The following ETS1 variants were observed in gnomAD, a reference collection of about 807,000 sequenced individuals.
ETS1 encodes ETS proto-oncogene 1, transcription factor.
In ETS1, 15 loss-of-function variants were observed where a neutral mutation model predicts 58.6. The observed-to-expected ratio is 0.26, with a 90% CI of 0.17 to 0.39. The LOEUF is 0.39. Ranked by LOEUF, ETS1 falls within the 10% of genes least tolerant of loss-of-function variation. The pLI, the probability that ETS1 is intolerant of heterozygous loss-of-function variation, is 1.00. For synonymous variants in ETS1, 214 were observed against 218.2 expected (o/e 0.98, Z 0.17); for missense variants, 417 against 610.5 (o/e 0.68, Z 3.34).
In ETS1 at chr11:128,569,318, C is replaced by CTTT. The variant is rs398018017; in HGVS notation, c.69+3741_69+3743dup. 4.1e-3 allele frequency among the ~76,000 whole-genome samples: 160 copies of CTTT among 39,422 alleles called. 23 individuals carry two copies. Among genetic ancestry groups the CTTT allele is most frequent in the African/African-American group, 0.011 (99 of 9,128 alleles). The allele number at this position is 39,422 out of a possible 152,430, so 25.9% of individuals were successfully genotyped here. A position where few individuals can be genotyped will look rare whatever the true frequency, so the allele number is the denominator to read the frequency against. ...TACCATACATGGGACAGAGTTTCTTCTTTTTTTTTTTTTTTTTTTTTTTTG... is the reference window on the plus strand; with the variant it reads ...TACCATACATGGGACAGAGTTTCTTCTTTTTTTTTTTTTTTTTTTTTTTTTTTG... On this transcript the variant is annotated intron_variant, in intron 2 of 9. Transcript: ENST00000392668.
chr11:128,509,811 T>C, intron 3 of ETS1, among the ~76,000 whole-genome samples: 1 of 152,204 alleles, frequency 6.6e-6, no homozygotes, highest in East Asian at 1.9e-4. Context: ...TTGAAAACTC[T>C]ATGGCTTTGG....
At chr11:128,551,420 G>A (rs1218679112) in intron 3 of ETS1, among the ~76,000 whole-genome samples, 2 of 152,192 alleles carry the variant, frequency 1.3e-5, no homozygotes, top group Admixed American at 6.5e-5. Flanking sequence ...GAATCTCAGC[G>A]TATCTCCCAC....
At position 128,463,520 on chromosome 11, in the gene ETS1, C is replaced by A; in HGVS notation, c.1231G>T (p.Asp411Tyr). 6.3e-7 allele frequency: 1 copy of A among 1,590,732 alleles called. No homozygotes were observed. The highest frequency in any genetic ancestry group is 1.1e-5 in the South Asian group (1 of 90,550). ...CCCTCCTTCCTTACCTCATCTGGGT[C>A]AGAAAGTTTGAATTCCCAGCCATCT... ...TGDGWEFKLS[D>Y]PDEVARRWGK... The change falls in exon 9 of 10, where the codon GAC becomes TAC. Residue 411 changes from aspartate to tyrosine, a missense_variant. Asp to Tyr is a radical substitution (Grantham distance 160, BLOSUM62 -3). This residue lies in a region of ETS1 where 56 missense variants were observed against 156.1 expected (regional missense o/e 0.36). Coordinates refer to ENST00000392668, the MANE Select transcript of ETS1 (RefSeq NM_001143820.2). This position sits in a 1 kb window ranked among gnomAD's most constrained non-coding sequence, Gnocchi z 4.1.
intron 3 of ETS1, among the ~76,000 whole-genome samples, chr11:128,510,483 G>A (rs538286522): frequency 1.3e-5 from 2 of 152,154 alleles, no homozygotes; most frequent in East Asian, 1.9e-4. Context: ...TATTCAAACC[G>A]GGCAAAGCTA....
intron 3 of ETS1, among the ~76,000 whole-genome samples, chr11:128,513,680 A>C (rs1479932717): frequency 6.6e-6 from 1 of 152,248 alleles, no homozygotes; most frequent in Non-Finnish European, 1.5e-5. Context: ...ATGTGTAGGT[A>C]CTAGAAGTAC....
intron 8 of ETS1, among the ~76,000 whole-genome samples, chr11:128,469,453 G>A (rs1193617000): frequency 6.6e-6 from 1 of 152,188 alleles, no homozygotes; most frequent in Non-Finnish European, 1.5e-5. Flanking sequence ...GTTCACAAGT[G>A]TATCAATCTG....
chr11:128,506,419 G>T (rs549848609), intron 3 of ETS1, among the ~76,000 whole-genome samples: 4 of 152,184 alleles, frequency 2.6e-5, no homozygotes, highest in Non-Finnish European at 4.4e-5. Context: ...AGCAAACACC[G>T]CCTAAGTACA....
chr11:128,577,913 G>GA (rs1864783928), intron 1 of ETS1, among the ~76,000 whole-genome samples: 1 of 111,056 alleles, frequency 9.0e-6, no homozygotes. Context: ...CTGCCAAAAA[G>GA]CCAAAAAAAA....
chr11:128,490,711 GC>G, intron 3 of ETS1, 135 bp from the exon 4 acceptor site: 4 of 522,456 alleles, frequency 7.7e-6, no homozygotes, highest in Non-Finnish European at 9.9e-6. Context: ...ACCAGAGCAG[GC>G]AATTTTTTTT....
chr11:128,557,868 C>G (rs1000469908), intron 2 of ETS1, among the ~76,000 whole-genome samples: 2 of 152,188 alleles, frequency 1.3e-5, no homozygotes, highest in Non-Finnish European at 2.9e-5. Flanking sequence ...GAACTTACGT[C>G]TTCTCTTCTT....
chr11:128,510,722 C>T (rs1322875303), intron 3 of ETS1, among the ~76,000 whole-genome samples: 1 of 152,196 alleles, frequency 6.6e-6, no homozygotes, highest in Non-Finnish European at 1.5e-5. Context: ...CGCCCAACTT[C>T]CCATCCCTAC....
chr11:128,558,608 G>T lies in ETS1; in HGVS notation c.70-2173C>A, dbSNP rs563708934. On this transcript the variant is annotated intron_variant, in intron 2 of 9. Coordinates refer to ENST00000392668, the MANE Select transcript of ETS1 (RefSeq NM_001143820.2). ...TGCAGTGAGCCGAGATCGAGACCGT[G>T]CCACTGCACTCCAGCCTGGGTGACA... Among the ~76,000 whole-genome samples the T allele has an allele frequency of 2.2e-5, 3 of 136,956 alleles. No homozygotes were observed. The South Asian group carries it at 7.0e-4, about 32-fold the overall frequency. The allele number at this position is 136,956 out of a possible 152,430, so 89.8% of individuals were successfully genotyped here.
At position 128,464,891 on chromosome 11, in the gene ETS1, A is replaced by G. The variant is rs1861993569; in HGVS notation, c.1124-1264T>C. ...CGTTGTGCTTGCTCCTAAAATCCAC[A>G]CCCAACCCTCTGCTGTAAGGAGAGG... On this transcript the variant is annotated intron_variant, in intron 8 of 9. Coordinates refer to ENST00000392668, the MANE Select transcript of ETS1 (RefSeq NM_001143820.2). This position sits in a 1 kb window ranked among gnomAD's most constrained non-coding sequence, Gnocchi z 4.1. Among the ~76,000 whole-genome samples, 1 of 152,032 alleles carries G rather than the reference A, an allele frequency of 6.6e-6. No individual in the cohort carries two copies. The highest frequency in any genetic ancestry group is 2.1e-4 in the South Asian group (1 of 4,826).
intron 8 of ETS1, among the ~76,000 whole-genome samples, chr11:128,467,077 T>A (rs551559637): frequency 6.6e-6 from 1 of 152,304 alleles, no homozygotes; most frequent in African/African-American, 2.4e-5. Context: ...TTTTGCTGAC[T>A]CCTAAACTGC....
chr11:128,564,259 C>T (rs1864453298), intron 2 of ETS1, among the ~76,000 whole-genome samples: 2 of 152,138 alleles, frequency 1.3e-5, no homozygotes, highest in South Asian at 2.1e-4. Context: ...GAAGCAGGAA[C>T]AGGCAAAATA....
intron 8 of ETS1, among the ~76,000 whole-genome samples, chr11:128,468,168 C>T (rs1862088619): frequency 1.3e-5 from 2 of 152,248 alleles, no homozygotes; most frequent in South Asian, 2.1e-4. Context: ...CCTAAGGGGA[C>T]CCCCAAGGCT....
At chr11:128,533,281 G>A (rs1239374344) in intron 3 of ETS1, among the ~76,000 whole-genome samples, 1 of 152,204 alleles carries the variant, frequency 6.6e-6, no homozygotes, top group Admixed American at 6.5e-5. Context: ...GGCTGCCGCC[G>A]CCATTGCAGG....
intron 3 of ETS1, among the ~76,000 whole-genome samples, chr11:128,513,767 CTT>C (rs1174065510): frequency 1.3e-5 from 2 of 152,152 alleles, no homozygotes; most frequent in Non-Finnish European, 1.5e-5. Flanking sequence ...CAAAATCAGA[CTT>C]GGGCAGGGGC....
chr11:128,540,622 A>G (rs961818723), intron 3 of ETS1, among the ~76,000 whole-genome samples: 2 of 152,224 alleles, frequency 1.3e-5, no homozygotes, highest in African/African-American at 4.8e-5. Context: ...GTTCAGTGGA[A>G]AAATGTCTAA....
Sources: allele counts gnomAD v4.1 joint callset (sites outside exome capture counted in the v4.1 genomes callset), GRCh38; gene constraint gnomAD v4.1.1; regional missense constraint gnomAD v4.1.1; non-coding constraint Gnocchi (gnomAD v3.1); transcripts MANE v1.5; gene names NCBI Gene and HGNC (gene_info 2026-07-23, HGNC 2026-07-21).